Variants in MBP observed in about 807,000 individuals in gnomAD.
MBP encodes Golli-MBP.
Under a neutral mutation model 35.8 loss-of-function variants are expected in MBP, and 16 were observed. The ratio of observed to expected loss-of-function variants is 0.45; its 90% confidence interval spans 0.30 to 0.68. MBP has a LOEUF of 0.68. MBP is among the 30% of genes least tolerant of loss of function. The pLI is 0.08. For missense variants in MBP, 380 were observed against 404.7 expected (o/e 0.94, Z 0.52); for synonymous variants, 143 against 159.6 (o/e 0.90, Z 0.78).
intron 3 of MBP, among the ~76,000 whole-genome samples, chr18:77,045,300 G>C (rs1293745095): frequency 1.3e-5 from 2 of 152,106 alleles, no homozygotes; most frequent in Non-Finnish European, 2.9e-5. Context: ...GGCAGCACCT[G>C]CCGGCATCAG....
intron 1 of MBP, among the ~76,000 whole-genome samples, chr18:77,123,772 G>C (rs757413862): frequency 6.6e-6 from 1 of 152,250 alleles, no homozygotes; most frequent in Non-Finnish European, 1.5e-5. Context: ...TGGGCGTCCA[G>C]CCACCAAGGC....
chr18:77,009,700 T>A (rs1971219678), intron 4 of MBP: 1 of 686,578 alleles, frequency 1.5e-6, no homozygotes. Context: ...GAGGCCTGCC[T>A]CCCTGCTTTC....
Position 77,017,159 on chromosome 18 carries a change from A to G in MBP, c.249T>C (p.Ala83=). 1 of 1,553,382 alleles carries G rather than the reference A, an allele frequency of 6.4e-7. No homozygotes were observed. Among genetic ancestry groups the G allele is most frequent in the Non-Finnish European group, 8.7e-7 (1 of 1,148,376 alleles). ...PKNAWQDAHP[A]DPGSRPHLIR... is the part of the protein sequence containing the mutation. Reference sequence around the variant, plus strand: ...TCAAGTGGGGGCGGCTCCCTGGGTCAGCTGGGTGGGCATCCTGCCAGGCAT... The same window carrying G: ...TCAAGTGGGGGCGGCTCCCTGGGTCGGCTGGGTGGGCATCCTGCCAGGCAT... Residue 83 remains alanine (A), a synonymous_variant, in exon 4 of 9, where the codon GCT becomes GCC. Coordinates refer to ENST00000355994, the MANE Select transcript of MBP (RefSeq NM_001025101.2).
intron 7 of MBP, chr18:76,986,284 C>A: frequency 1.0e-6 from 1 of 985,584 alleles, no homozygotes; most frequent in Non-Finnish European, 1.2e-6. Context: ...GGGAACCAAA[C>A]CAGACTGTCC....
At chr18:77,063,896 ATGTGTGTGTGTGTG>A (rs10554697) in intron 3 of MBP, among the ~76,000 whole-genome samples, 3 of 149,742 alleles carry the variant, frequency 2.0e-5, no homozygotes, top group East Asian at 3.9e-4. Context: ...ACCTATACAT[ATGTGTGTGTGTGTG>A]TGTGTGTGTG....
upstream of MBP, among the ~76,000 whole-genome samples, chr18:77,133,135 G>T (rs929755123): frequency 3.3e-5 from 5 of 152,142 alleles, no homozygotes; most frequent in Non-Finnish European, 5.9e-5. Flanking sequence ...GTGCCAGGCC[G>T]CATCTCCCCG....
chr18:77,022,365 A>G (rs1972023885), intron 3 of MBP, among the ~76,000 whole-genome samples: 1 of 152,204 alleles, frequency 6.6e-6, no homozygotes, highest in South Asian at 2.1e-4. Flanking sequence ...AAGTGCGGAA[A>G]AGGCAGGACC....
chr18:76,993,447 G>A (rs1568271614), intron 4 of MBP, among the ~76,000 whole-genome samples: 1 of 151,344 alleles, frequency 6.6e-6, no homozygotes, highest in Non-Finnish European at 1.5e-5. Context: ...AGCTTCAGGG[G>A]GCTGAGGCAG....
intron 3 of MBP, among the ~76,000 whole-genome samples, chr18:77,064,941 A>G (rs1974132590): frequency 6.6e-6 from 1 of 152,148 alleles, no homozygotes; most frequent in Admixed American, 6.5e-5. Context: ...GATGAAGAAA[A>G]TCAAAGAGCT....
At chr18:77,041,285 C>T in intron 3 of MBP, among the ~76,000 whole-genome samples, 1 of 152,128 alleles carries the variant, frequency 6.6e-6, no homozygotes, top group East Asian at 1.9e-4. Context: ...ACAACAGGTG[C>T]TGGAGAGGAT....
Position 77,130,360 on chromosome 18 carries a change from A to G in MBP, c.-26+2220T>C, listed in dbSNP as rs115620178. On this transcript the variant is annotated intron_variant, in intron 1 of 8. Transcript: ENST00000355994. ...CCCGCCTCTTCTTGTGTGCCCTTAG[A>G]GTAACTTAACCTCTCTGGGCCTTGT... Among the ~76,000 whole-genome samples, 695 of 149,802 alleles carry G rather than the reference A, an allele frequency of 4.6e-3. 12 individuals are homozygous for G. The highest frequency in any genetic ancestry group is 0.017 in the African/African-American group (659 of 39,406).
intron 2 of MBP, among the ~76,000 whole-genome samples, chr18:77,081,813 C>CATATACACACACACACAT (rs1974934155): frequency 4.4e-5 from 4 of 90,682 alleles, no homozygotes; most frequent in Non-Finnish European, 9.2e-5. Flanking sequence ...TATGCACACA[C>CATATACACACACACACAT]ATATATACAC....
chr18:76,985,226 G>C, intron 7 of MBP: 1 of 1,389,230 alleles, frequency 7.2e-7, no homozygotes, highest in Non-Finnish European at 9.5e-7. Context: ...GGGTGTTCAA[G>C]AGAAGATTAG....
At chr18:76,994,831 C>G (rs190881170) in intron 4 of MBP, among the ~76,000 whole-genome samples, 98 of 152,298 alleles carry the variant, frequency 6.4e-4, no homozygotes, top group African/African-American at 2.2e-3. Flanking sequence ...TAATACAGAA[C>G]TGACACTGGT....
chr18:77,121,866 AAT>A (rs1226058152), intron 1 of MBP, among the ~76,000 whole-genome samples: 2 of 152,242 alleles, frequency 1.3e-5, no homozygotes, highest in African/African-American at 2.4e-5. Context: ...AAAGAACAGG[AAT>A]AAAAACACCT....
intron 3 of MBP, among the ~76,000 whole-genome samples, chr18:77,060,381 C>T (rs536442704): frequency 9.9e-4 from 149 of 150,522 alleles, no homozygotes; most frequent in Non-Finnish European, 1.7e-3. Context: ...ACTGTATGAA[C>T]GTGGCTTCAA....
chr18:77,018,597 CCT>C lies in MBP; in HGVS notation c.140-1331_140-1330del, dbSNP rs1247904037. On this transcript the variant is annotated intron_variant, in intron 3 of 8. Transcript: ENST00000355994. ...CCATCCATTCATCCATCCACCCACC[CCT>C]CCATCTATCCACTCATCCATCCATC... 1.2e-3 allele frequency among the ~76,000 whole-genome samples: 135 copies of C among 113,020 alleles called. 1 individual carries two copies. Among genetic ancestry groups the C allele is most frequent in the African/African-American group, 4.9e-3 (127 of 25,774 alleles). The allele number at this position is 113,020 out of a possible 152,430, so 74.1% of individuals were successfully genotyped here.
At chr18:77,004,590 T>A (rs1001332661) in intron 4 of MBP, 1 of 152,228 alleles carries the variant, frequency 6.6e-6, no homozygotes, top group African/African-American at 2.4e-5. Flanking sequence ...TCTCTATGTC[T>A]GAAAAAATTC....
intron 2 of MBP, among the ~76,000 whole-genome samples, chr18:77,084,709 G>A (rs1261200066): frequency 6.6e-6 from 1 of 152,054 alleles, no homozygotes; most frequent in African/African-American, 2.4e-5. Flanking sequence ...GAGTCTTTCT[G>A]TTTGTTATCT....
Sources: allele counts gnomAD v4.1 joint callset (sites outside exome capture counted in the v4.1 genomes callset), GRCh38; gene constraint gnomAD v4.1.1; transcripts MANE v1.5; gene names NCBI Gene and HGNC (gene_info 2026-07-23, HGNC 2026-07-21).